The following NRG1 variants were observed in gnomAD, a reference collection of about 807,000 sequenced individuals.
NRG1 encodes neuregulin 1, also known as pro-neuregulin-1, membrane-bound isoform.
A neutral mutation model predicts 63.8 loss-of-function variants in NRG1; 18 were observed. The ratio of observed to expected loss-of-function variants is 0.28; its 90% CI spans 0.19 to 0.42. The LOEUF is 0.42. Ranked by LOEUF, NRG1 falls within the 10% of genes least tolerant of loss-of-function variation. NRG1 has a pLI of 1.00. For synonymous variants in NRG1, 302 were observed against 301.3 expected (o/e 1.00, Z -0.02); for missense variants, 762 against 814.7 (o/e 0.94, Z 0.79).
At chr8:32,451,631 T>G (rs1458417000) in intron 1 of NRG1, among the ~76,000 whole-genome samples, 3 of 152,218 alleles carry the variant, frequency 2.0e-5, no homozygotes, top group African/African-American at 7.2e-5. Context: ...GGGATCAAAT[T>G]GTTTGAGTTG....
chr8:31,963,089 C>G (rs1805734037), intron 1 of NRG1, among the ~76,000 whole-genome samples: 2 of 152,196 alleles, frequency 1.3e-5, no homozygotes, highest in Non-Finnish European at 2.9e-5. Context: ...AATGTGCTCA[C>G]TGAGATTTGT....
At chr8:32,197,978 G>GCACA (rs772573624) in intron 1 of NRG1, among the ~76,000 whole-genome samples, 1 of 151,214 alleles carries the variant, frequency 6.6e-6, no homozygotes, top group Non-Finnish European at 1.5e-5. Flanking sequence ...GCATGCACGC[G>GCACA]CACACACACA....
chr8:31,927,674 T>C (rs879164875), intron 1 of NRG1, among the ~76,000 whole-genome samples: 1 of 149,134 alleles, frequency 6.7e-6, no homozygotes, highest in Non-Finnish European at 1.5e-5. Flanking sequence ...GGTCTCGATC[T>C]CCTGACCTCG....
intron 1 of NRG1, among the ~76,000 whole-genome samples, chr8:32,040,609 A>G (rs566955320): frequency 3.3e-5 from 5 of 150,118 alleles, no homozygotes; most frequent in African/African-American, 1.2e-4. Context: ...GTATATATGC[A>G]TATATACACA....
chr8:32,607,019 G>C (rs1292148992), intron 3 of NRG1, among the ~76,000 whole-genome samples: 1 of 152,076 alleles, frequency 6.6e-6, no homozygotes, highest in East Asian at 1.9e-4. Flanking sequence ...AGTAATCAAA[G>C]TTTATCACTT....
At chr8:32,457,974 A>G (rs7012019) in intron 1 of NRG1, among the ~76,000 whole-genome samples, 47,093 of 151,478 alleles carry the variant, frequency 0.31, 7,562 homozygotes, top group South Asian at 0.35. Flanking sequence ...CTGGAGTGCA[A>G]TGGTGCGATC....
intron 5 of NRG1, among the ~76,000 whole-genome samples, chr8:32,656,221 A>G (rs1801459867): frequency 6.6e-6 from 1 of 152,162 alleles, no homozygotes; most frequent in Non-Finnish European, 1.5e-5. Context: ...GAGCAGATAA[A>G]AATATTTTTA....
intron 1 of NRG1, among the ~76,000 whole-genome samples, chr8:32,352,912 TATAGAG>T (rs1334554509): frequency 4.8e-4 from 67 of 140,868 alleles, no homozygotes; most frequent in African/African-American, 1.6e-3. Flanking sequence ...TATATATATA[TATAGAG>T]AGAGAGAGAG....
intron 5 of NRG1, among the ~76,000 whole-genome samples, chr8:32,639,424 TAAAAGAG>T (rs1851911809): frequency 6.6e-6 from 1 of 152,038 alleles, no homozygotes; most frequent in African/African-American, 2.4e-5. Flanking sequence ...TAAATAAATA[TAAAAGAG>T]AAAAGAAATT....
intron 1 of NRG1, among the ~76,000 whole-genome samples, chr8:31,866,017 C>A (rs952278717): frequency 5.3e-5 from 8 of 152,172 alleles, no homozygotes; most frequent in Non-Finnish European, 1.0e-4. Flanking sequence ...TGTGGCCTCA[C>A]ATTTCATGTG....
At chr8:32,210,623 C>T (rs1420555488) in intron 1 of NRG1, among the ~76,000 whole-genome samples, 1 of 152,184 alleles carries the variant, frequency 6.6e-6, no homozygotes, top group Non-Finnish European at 1.5e-5. Context: ...AGATGAACTT[C>T]ATCACTAAAA....
At chr8:32,420,889 G>A (rs556156784) in intron 1 of NRG1, among the ~76,000 whole-genome samples, 4 of 152,246 alleles carry the variant, frequency 2.6e-5, no homozygotes, top group African/African-American at 9.6e-5. Context: ...CCCTCATGCT[G>A]TTCCTATGAT....
intron 1 of NRG1, among the ~76,000 whole-genome samples, chr8:32,489,953 G>C (rs1007724448): frequency 2.0e-5 from 3 of 152,200 alleles, no homozygotes; most frequent in Non-Finnish European, 4.4e-5. Context: ...TGTGGGGAAT[G>C]GTTCTCAAAG....
intron 1 of NRG1, among the ~76,000 whole-genome samples, chr8:32,486,088 A>G (rs1043545188): frequency 2.3e-4 from 35 of 151,558 alleles, no homozygotes; most frequent in African/African-American, 6.3e-4. Context: ...CCCCCTCCCC[A>G]TGCCTGGCTA....
chr8:32,221,554 G>A (rs981887596), intron 1 of NRG1, among the ~76,000 whole-genome samples: 2 of 152,166 alleles, frequency 1.3e-5, no homozygotes, highest in Admixed American at 1.3e-4. Context: ...TTCAAGGACT[G>A]TAGATTATTA....
chr8:32,036,711 C>T (rs1819129053), intron 1 of NRG1, among the ~76,000 whole-genome samples: 1 of 152,020 alleles, frequency 6.6e-6, no homozygotes, highest in African/African-American at 2.4e-5. Context: ...TTTTTTTCCA[C>T]TTGGTCTATT....
chr8:32,506,246 A>C (rs894509684), intron 1 of NRG1, among the ~76,000 whole-genome samples: 2 of 152,126 alleles, frequency 1.3e-5, no homozygotes, highest in Non-Finnish European at 2.9e-5. Context: ...TCTCTTTAAA[A>C]AAGAAAGAAA....
At position 32,007,375 on chromosome 8, in the gene NRG1, A is replaced by G. The variant is rs186520625; in HGVS notation, c.37+367944A>G. Among the ~76,000 whole-genome samples, 192 of 152,148 alleles carry G rather than the reference A, an allele frequency of 1.3e-3. 3 individuals are homozygous for G. The highest frequency in any genetic ancestry group is 5.9e-5 in the Non-Finnish European group (4 of 67,948). Reference sequence around the variant, plus strand: ...CCAACTTTGTTTGATTATTTGGCTAATTCTGCTCAGAATCCTCTCTAAATA... The same window carrying G: ...CCAACTTTGTTTGATTATTTGGCTAGTTCTGCTCAGAATCCTCTCTAAATA... On this transcript the variant is annotated intron_variant, in intron 1 of 10. Coordinates refer to the NRG1 transcript ENST00000519301.
intron 5 of NRG1, among the ~76,000 whole-genome samples, chr8:32,682,404 T>C (rs977186905): frequency 2.0e-5 from 3 of 152,200 alleles, no homozygotes; most frequent in Admixed American, 6.5e-5. Context: ...CAATATGTCA[T>C]GACTAAGAAG....
Sources: gnomAD v4.1 joint callset for allele counts (sites outside exome capture counted in the v4.1 genomes callset) on GRCh38, gnomAD v4.1.1 for gene constraint, MANE v1.5 for transcripts, NCBI Gene and HGNC (gene_info 2026-07-23, HGNC 2026-07-21) for gene names.